RC3H1: variants seen among roughly 807,000 people sequenced by gnomAD.
The protein encoded by RC3H1 is ring finger and CCCH-type domains 1.
In RC3H1, 50 loss-of-function variants were observed where a neutral mutation model predicts 138.2. That is an observed-to-expected ratio of 0.36 (90% CI 0.29 to 0.46). The LOEUF is 0.46. RC3H1 is among the 20% of genes least tolerant of loss of function. The pLI, the probability that RC3H1 is intolerant of heterozygous loss-of-function variation, is 1.00. For synonymous variants in RC3H1, 462 were observed against 489.1 expected, an observed-to-expected ratio of 0.94 and a Z score of 0.73; for missense variants, 1,031 against 1,388.1, an observed-to-expected ratio of 0.74 and a Z score of 4.09.
chr1:174,003,806 C>T (rs1294131723), intron 1 of RC3H1, among the ~76,000 whole-genome samples: 2 of 151,708 alleles, frequency 1.3e-5, no homozygotes, highest in Non-Finnish European at 2.9e-5. Context: ...GGTCTACAGG[C>T]GCCCGCCACC....
intron 18 of RC3H1, among the ~76,000 whole-genome samples, chr1:173,942,891 G>T (rs2102850745): frequency 6.6e-6 from 1 of 151,878 alleles, no homozygotes; most frequent in African/African-American, 2.4e-5. Flanking sequence ...ACCTGAGGAA[G>T]CCCCTAAGAT....
In RC3H1 at chr1:174,022,146, CGCCACCGCCGCG is replaced by C; in HGVS notation, c.-213_-202del. ...CTCAGCTCCGAGTCCCCGCGGCCGTCGCCACCGCCGCGGCAGCCGCCGCCGCCGCCGAGGCCA... is the reference window on the plus strand; with the variant it reads ...CTCAGCTCCGAGTCCCCGCGGCCGTCGCAGCCGCCGCCGCCGCCGAGGCCA... On this transcript the variant is annotated 5_prime_UTR_variant, in exon 1 of 20. Coordinates refer to ENST00000367696, the MANE Select transcript of RC3H1 (RefSeq NM_172071.4). This position sits in a 1 kb window ranked among gnomAD's most constrained non-coding sequence, Gnocchi z 4.2. 3 of 396,086 alleles carry C rather than the reference CGCCACCGCCGCG, an allele frequency of 7.6e-6. No individual in the cohort carries two copies. Among genetic ancestry groups the C allele is most frequent in the Non-Finnish European group, 1.3e-5 (3 of 224,840 alleles). 24.5% of individuals were successfully genotyped at this position (396,086 alleles called of 1,614,324 possible). A position where few individuals can be genotyped will look rare whatever the true frequency, so the allele number is the denominator to read the frequency against.
chr1:173,965,852 T>C (rs1660093280), intron 9 of RC3H1, among the ~76,000 whole-genome samples: 2 of 151,902 alleles, frequency 1.3e-5, no homozygotes, highest in African/African-American at 2.4e-5. Context: ...TGTTAAAAAA[T>C]TTAAGCAGCC....
At position 173,965,180 on chromosome 1, in the gene RC3H1, A is replaced by C. The variant is rs1244618841; in HGVS notation, c.1335-60T>G. 13 of 1,377,958 alleles carry C rather than the reference A, an allele frequency of 9.4e-6. No individual in the cohort carries two copies. In the South Asian group the frequency reaches 1.5e-4, roughly 16 times the overall value. The allele number at this position is 1,377,958 out of a possible 1,614,324, so 85.4% of individuals were successfully genotyped here. A position where few individuals can be genotyped will look rare whatever the true frequency, so the allele number is the denominator to read the frequency against. Reference sequence around the variant, plus strand: ...AATATAAAAGCAAAACCAAGAACTAAAATGTACTTAATATTATTTTCTAGA... The same window carrying C: ...AATATAAAAGCAAAACCAAGAACTACAATGTACTTAATATTATTTTCTAGA... On this transcript the variant is annotated intron_variant, in intron 9 of 19. Coordinates refer to ENST00000367696, the MANE Select transcript of RC3H1 (RefSeq NM_172071.4).
chr1:174,015,283 A>G (rs1661840827), intron 1 of RC3H1, among the ~76,000 whole-genome samples: 1 of 151,332 alleles, frequency 6.6e-6, no homozygotes, highest in Non-Finnish European at 1.5e-5. Flanking sequence ...CTTAATCTAA[A>G]CTGAGACCTG....
Position 173,992,806 on chromosome 1 carries a change from G to A in RC3H1, c.180C>T (p.Asp60=). Reference sequence around the variant, plus strand: ...CTGAGTTCACAGGGAGGAGCTCAATGTCTGTATTGATAGTGGTCTGGTCAA... The same window carrying A: ...CTGAGTTCACAGGGAGGAGCTCAATATCTGTATTGATAGTGGTCTGGTCAA... ...CPFDQTTINT[D]IELLPVNSAL... Residue 60 remains aspartate, a synonymous_variant, in exon 2 of 20, where the codon GAC becomes GAT. Coordinates refer to ENST00000367696, the MANE Select transcript of RC3H1 (RefSeq NM_172071.4). 6.2e-7 allele frequency: 1 copy of A among 1,614,198 alleles called. No homozygotes were observed. Among genetic ancestry groups the A allele is most frequent in the Non-Finnish European group, 8.5e-7 (1 of 1,180,040 alleles).
At chr1:173,955,331 T>G (rs1323033334) in intron 13 of RC3H1, among the ~76,000 whole-genome samples, 2 of 149,816 alleles carry the variant, frequency 1.3e-5, no homozygotes, top group Admixed American at 6.6e-5. Flanking sequence ...TTTTTTTTTT[T>G]TTTTGAGAAG....
At chr1:173,953,647 A>G in intron 13 of RC3H1, among the ~76,000 whole-genome samples, 1 of 152,222 alleles carries the variant, frequency 6.6e-6, no homozygotes, top group East Asian at 1.9e-4. Context: ...TTATATACTG[A>G]CATACAAAGA....
intron 19 of RC3H1, 72 bp downstream of exon 19, chr1:173,941,192 TA>T: frequency 1.2e-6 from 1 of 837,932 alleles, no homozygotes; most frequent in Non-Finnish European, 2.0e-6. Context: ...GTATTTCTGA[TA>T]TGACTGGATA....
At chr1:173,948,761 A>G (rs897903635) in intron 14 of RC3H1, among the ~76,000 whole-genome samples, 1 of 151,744 alleles carries the variant, frequency 6.6e-6, no homozygotes, top group African/African-American at 2.4e-5. Context: ...AATTAAAAAA[A>G]TTTTTGAAGA....
At chr1:173,984,647 G>C in intron 2 of RC3H1, 28 bp from the exon 3 acceptor site, 2 of 1,605,308 alleles carry the variant, frequency 1.2e-6, no homozygotes, top group Non-Finnish European at 1.7e-6. Context: ...AGATCTGTAT[G>C]AGTGCTCAAT....
At chr1:173,942,674 T>C (rs1658941136) in intron 18 of RC3H1, among the ~76,000 whole-genome samples, 1 of 150,802 alleles carries the variant, frequency 6.6e-6, no homozygotes, top group Admixed American at 6.6e-5. Context: ...CTACTAAAAA[T>C]ACAAAAAATT....
chr1:173,958,867 T>C (rs764786885), intron 13 of RC3H1, among the ~76,000 whole-genome samples: 47 of 152,174 alleles, frequency 3.1e-4, no homozygotes, highest in Admixed American at 2.0e-4. Flanking sequence ...TCCTATTCAT[T>C]AAACCAACTT....
rs569118174 is a variant in RC3H1 at position 173,957,948 on chromosome 1, A to G, written c.2370+3129T>C. ...ACATTTTTGTGGAAAACTCATCCAAAGTGTTTAGATGAGAAAACTAGATAT... is the reference window on the plus strand; with the variant it reads ...ACATTTTTGTGGAAAACTCATCCAAGGTGTTTAGATGAGAAAACTAGATAT... On this transcript the variant is annotated intron_variant, in intron 13 of 19. Transcript: ENST00000367696. Among the ~76,000 whole-genome samples the G allele has an allele frequency of 1.6e-3, 247 of 152,332 alleles. 1 individual carries two copies. Among genetic ancestry groups the G allele is most frequent in the Non-Finnish European group, 3.0e-3 (203 of 68,028 alleles).
rs920945580 is a variant in RC3H1, at chr1:173,932,690, G to A, written c.*6031C>T. On this transcript the variant is annotated 3_prime_UTR_variant, in exon 20 of 20. Transcript: ENST00000367696. Reference sequence around the variant, plus strand: ...GAGGATGTAAAAACGATAAGCAAAAGCTAAATGCCTTTAAGTCAGAGAATT... The same window carrying A: ...GAGGATGTAAAAACGATAAGCAAAAACTAAATGCCTTTAAGTCAGAGAATT... 1.3e-5 allele frequency: 2 copies of A among 152,014 alleles called. No homozygotes were observed. The highest frequency in any genetic ancestry group is 1.3e-4 in the Admixed American group (2 of 15,228). The allele number at this position is 152,014 out of a possible 1,614,324, so 9.4% of individuals were successfully genotyped here. A position where few individuals can be genotyped will look rare whatever the true frequency, so the allele number is the denominator to read the frequency against.
At chr1:173,964,720 T>C in intron 10 of RC3H1, 119 bp downstream of exon 10, 6 of 1,026,228 alleles carry the variant, frequency 5.8e-6, no homozygotes, top group South Asian at 3.4e-5. Flanking sequence ...AGCAACAAAA[T>C]AAAGGCCAAA....
At chr1:173,949,134 G>GA (rs1322061114) in intron 14 of RC3H1, among the ~76,000 whole-genome samples, 4 of 102,724 alleles carry the variant, frequency 3.9e-5, no homozygotes, top group African/African-American at 1.3e-4. Context: ...TTTTTTGGGG[G>GA]GGGGGGTGGG....
At position 173,937,902 on chromosome 1, in the gene RC3H1, T is replaced by C. The variant is rs1254255686; in HGVS notation, c.*819A>G. 1.3e-5 allele frequency: 2 copies of C among 152,222 alleles called. No individual in the cohort carries two copies. The highest frequency in any genetic ancestry group is 2.9e-5 in the Non-Finnish European group (2 of 68,028). 9.4% of individuals were successfully genotyped at this position (152,222 alleles called of 1,614,324 possible). On this transcript the variant is annotated 3_prime_UTR_variant, in exon 20 of 20. Transcript: ENST00000367696. ...ACATGTATTTTCAGTGCTAGTAAGT[T>C]ACAGTTAATTCTTGATCAACATTTA...
chr1:174,016,422 C>CTTTTTT (rs1189625122), intron 1 of RC3H1, among the ~76,000 whole-genome samples: 1 of 118,274 alleles, frequency 8.5e-6, no homozygotes, highest in African/African-American at 3.5e-5. Flanking sequence ...TTTAAGTTTC[C>CTTTTTT]TTTTTTTTTT....
Sources: gnomAD v4.1 joint callset for allele counts (sites outside exome capture counted in the v4.1 genomes callset) on GRCh38, gnomAD v4.1.1 for gene constraint, Gnocchi (gnomAD v3.1) non-coding constraint, MANE v1.5 for transcripts, NCBI Gene and HGNC (gene_info 2026-07-23, HGNC 2026-07-21) for gene names.